The following TASP1 variants were observed in gnomAD, a reference collection of about 807,000 sequenced individuals.
TASP1 encodes the protein threonine aspartase 1.
In TASP1, 16 loss-of-function variants were observed where a neutral mutation model predicts 56.6. The ratio of observed to expected loss-of-function variants is 0.28; its 90% confidence interval spans 0.19 to 0.43. The LOEUF (loss-of-function observed/expected upper bound fraction) is 0.43. Ranked by LOEUF, TASP1 falls within the 20% of genes least tolerant of loss-of-function variation. The pLI, the probability that TASP1 is intolerant of heterozygous loss-of-function variation, is 1.00. For synonymous variants in TASP1, 179 were observed against 184.2 expected (o/e 0.97, Z 0.23); for missense variants, 393 against 511.6 (o/e 0.77, Z 2.24).
chr20:13,304,013 C>T, the TASP1 span, among the ~76,000 whole-genome samples: 1 of 152,230 alleles, frequency 6.6e-6, no homozygotes, highest in Non-Finnish European at 1.5e-5. Flanking sequence ...ACCCAGACTC[C>T]TTCCATCTTG....
At chr20:13,336,192 T>G in the TASP1 span, among the ~76,000 whole-genome samples, 1 of 152,184 alleles carries the variant, frequency 6.6e-6, no homozygotes, top group Non-Finnish European at 1.5e-5. Context: ...TTCCTGGGTG[T>G]GCTACCACTG....
At chr20:13,473,130 A>G (rs1344003965) in intron 11 of TASP1, among the ~76,000 whole-genome samples, 1 of 152,206 alleles carries the variant, frequency 6.6e-6, no homozygotes, top group African/African-American at 2.4e-5. Context: ...AATGTGGCAC[A>G]TATACACCAT....
chr20:13,263,386 C>G, the TASP1 span, among the ~76,000 whole-genome samples: 1 of 152,070 alleles, frequency 6.6e-6, no homozygotes, highest in Non-Finnish European at 1.5e-5. Context: ...ATCCATCTTC[C>G]TGAGCACTAA....
the TASP1 span, among the ~76,000 whole-genome samples, chr20:13,236,176 G>T: frequency 2.0e-5 from 3 of 152,226 alleles, no homozygotes; most frequent in South Asian, 6.2e-4. Flanking sequence ...ACCCACCTCG[G>T]CCTCCCAAAG....
intron 13 of TASP1, among the ~76,000 whole-genome samples, chr20:13,399,304 C>A (rs917972949): frequency 6.6e-6 from 1 of 152,110 alleles, no homozygotes; most frequent in African/African-American, 2.4e-5. Flanking sequence ...GCTGAGATTC[C>A]CTAATATGTA....
the TASP1 span, among the ~76,000 whole-genome samples, chr20:13,357,589 T>C: frequency 6.6e-6 from 1 of 152,198 alleles, no homozygotes; most frequent in East Asian, 1.9e-4. Flanking sequence ...AGTCTGGAGA[T>C]TGCTTATAGT....
At chr20:13,382,807 A>G in the TASP1 span, among the ~76,000 whole-genome samples, 2 of 152,190 alleles carry the variant, frequency 1.3e-5, no homozygotes, top group African/African-American at 4.8e-5. Flanking sequence ...CTGCTTTGCT[A>G]TGCCATAATT....
At chr20:13,270,594 G>A in the TASP1 span, 5 of 1,613,826 alleles carry the variant, frequency 3.1e-6, no homozygotes, top group East Asian at 4.5e-5. Flanking sequence ...CCACCAGGCT[G>A]CACACCAACC....
chr20:13,241,130 C>T, the TASP1 span, among the ~76,000 whole-genome samples: 3 of 152,080 alleles, frequency 2.0e-5, no homozygotes, highest in Non-Finnish European at 4.4e-5. Flanking sequence ...GAGAAGTGCT[C>T]ATTCAACTGG....
At position 13,581,001 on chromosome 20, in the gene TASP1, A is replaced by AAAAT; in HGVS notation, c.404-21_404-20insATTT. 1 of 1,573,376 alleles carries AAAAT rather than the reference A, an allele frequency of 6.4e-7. No homozygotes were observed. Among genetic ancestry groups the AAAAT allele is most frequent in the South Asian group, 1.1e-5 (1 of 87,144 alleles). ...TGATTCCTATAAAAAAAAAAAAAAA[A>AAAAT]TTGGCAAAAAAGATGTCAGAAATGT... On this transcript the variant is annotated intron_variant, in intron 5 of 13. Coordinates refer to ENST00000337743, the MANE Select transcript of TASP1 (RefSeq NM_017714.3).
chr20:13,300,524 A>G, the TASP1 span: 4 of 152,220 alleles, frequency 2.6e-5, no homozygotes, highest in African/African-American at 9.6e-5. Context: ...TTGTGCATCA[A>G]GCAATTGTTA....
chr20:13,565,288 T>C (rs988089330), intron 7 of TASP1, among the ~76,000 whole-genome samples: 1 of 151,596 alleles, frequency 6.6e-6, no homozygotes, highest in Admixed American at 6.6e-5. Flanking sequence ...ACTATAAATC[T>C]CTTAGAAAAC....
At chr20:13,163,367 C>CAAAAAAA in the TASP1 span, among the ~76,000 whole-genome samples, 12 of 90,030 alleles carry the variant, frequency 1.3e-4, no homozygotes, top group East Asian at 3.0e-4. Flanking sequence ...GACGCTGTCT[C>CAAAAAAA]AAAAAAAAAA....
the TASP1 span, among the ~76,000 whole-genome samples, chr20:13,326,344 G>T: frequency 6.6e-6 from 1 of 152,106 alleles, no homozygotes; most frequent in African/African-American, 2.4e-5. Context: ...GAGTGGGACC[G>T]TTGGGTCATG....
chr20:13,137,100 A>T, the TASP1 span, among the ~76,000 whole-genome samples: 109,534 of 152,068 alleles, frequency 0.72, 39,626 homozygotes, highest in African/African-American at 0.79. Context: ...CTGGTACAAG[A>T]AGTTCCTCTT....
At chr20:13,429,122 G>GA (rs976516320) in intron 12 of TASP1, among the ~76,000 whole-genome samples, 16 of 152,302 alleles carry the variant, frequency 1.1e-4, no homozygotes, top group South Asian at 2.1e-4. Flanking sequence ...ACTGAGTTCA[G>GA]AAAAAAGATT....
chr20:13,410,500 G>A (rs1385575097), intron 13 of TASP1, among the ~76,000 whole-genome samples: 1 of 152,064 alleles, frequency 6.6e-6, no homozygotes, highest in Non-Finnish European at 1.5e-5. Context: ...GCTATATTTT[G>A]TCTTTTTAAT....
chr20:13,295,808 G>A, the TASP1 span, among the ~76,000 whole-genome samples: 1 of 152,228 alleles, frequency 6.6e-6, no homozygotes, highest in Non-Finnish European at 1.5e-5. Flanking sequence ...ACCACGCTCA[G>A]TCATTGGCTG....
chr20:13,156,079 C>G, the TASP1 span, among the ~76,000 whole-genome samples: 2 of 152,162 alleles, frequency 1.3e-5, no homozygotes, highest in African/African-American at 2.4e-5. Context: ...CACACACACA[C>G]AGACACACAT....
Sources: allele counts gnomAD v4.1 joint callset (sites outside exome capture counted in the v4.1 genomes callset), GRCh38; gene constraint gnomAD v4.1.1; transcripts MANE v1.5; gene names NCBI Gene and HGNC (gene_info 2026-07-23, HGNC 2026-07-21).